TAFA2: variants seen among roughly 807,000 people sequenced by gnomAD.
TAFA2 encodes chemokine-like protein TAFA-2.
In TAFA2, 7 loss-of-function variants were observed where a neutral mutation model predicts 18.8. That is an observed-to-expected ratio of 0.37 (90% CI 0.21 to 0.70). The LOEUF is 0.70. Among genes scored for constraint, TAFA2 ranks in the 30% least tolerant of loss-of-function variants. TAFA2 has a pLI of 0.53. For missense variants in TAFA2, 122 were observed against 158.1 expected (o/e 0.77, Z 1.23); for synonymous variants, 60 against 54.2 (o/e 1.11, Z -0.47).
intron 1 of TAFA2, among the ~76,000 whole-genome samples, chr12:62,065,718 TTG>T (rs1592314764): frequency 6.6e-6 from 1 of 150,394 alleles, no homozygotes; most frequent in African/African-American, 2.4e-5. Flanking sequence ...TGTGTGTGTG[TTG>T]TGTGTGTGTG....
intron 1 of TAFA2, among the ~76,000 whole-genome samples, chr12:62,031,226 C>A (rs1351833746): frequency 6.6e-6 from 1 of 151,892 alleles, no homozygotes; most frequent in Non-Finnish European, 1.5e-5. Context: ...GCAGACCCAT[C>A]CTTAATCTGG....
At chr12:61,784,251 A>T (rs1308278161) in intron 2 of TAFA2, among the ~76,000 whole-genome samples, 1 of 151,564 alleles carries the variant, frequency 6.6e-6, no homozygotes, top group Non-Finnish European at 1.5e-5. Flanking sequence ...ACTGCCTCCC[A>T]CTTTAAATCA....
chr12:62,196,884 T>A (rs2062651080), upstream of TAFA2, among the ~76,000 whole-genome samples: 1 of 152,114 alleles, frequency 6.6e-6, no homozygotes, highest in Non-Finnish European at 1.5e-5. Context: ...ATAATAATAA[T>A]AAATAAAAAC....
At chr12:62,228,371 G>GA (rs1565783808) in intron 1 of TAFA2, among the ~76,000 whole-genome samples, 1 of 152,144 alleles carries the variant, frequency 6.6e-6, no homozygotes, top group Non-Finnish European at 1.5e-5. Flanking sequence ...CTTTTTGGTA[G>GA]AATGACTTAT....
intron 1 of TAFA2, among the ~76,000 whole-genome samples, chr12:62,174,579 C>T (rs1295757912): frequency 6.6e-6 from 1 of 152,090 alleles, no homozygotes; most frequent in African/African-American, 2.4e-5. Context: ...ATAAAATCCA[C>T]TAAAGAATTT....
chr12:61,948,341 C>G (rs979307509), intron 1 of TAFA2, among the ~76,000 whole-genome samples: 2 of 152,074 alleles, frequency 1.3e-5, no homozygotes, highest in East Asian at 3.9e-4. Context: ...CATTTGAGAT[C>G]TGAAGTAAGC....
intron 2 of TAFA2, among the ~76,000 whole-genome samples, chr12:61,759,150 T>C (rs1343164826): frequency 2.0e-5 from 3 of 152,038 alleles, no homozygotes; most frequent in Non-Finnish European, 4.4e-5. Context: ...TCATCTGTTT[T>C]CCATTTCCAT....
chr12:62,171,102 G>T (rs977422706), intron 1 of TAFA2, among the ~76,000 whole-genome samples: 3 of 151,656 alleles, frequency 2.0e-5, no homozygotes, highest in Non-Finnish European at 2.9e-5. Context: ...TAACATTTAA[G>T]GTGTCACAAT....
rs139530203 is a variant in TAFA2, at chr12:62,140,875, A to G, written c.-2+50384T>C. 2.0e-3 allele frequency among the ~76,000 whole-genome samples: 299 copies of G among 152,302 alleles called. 1 individual carries two copies. Among genetic ancestry groups the G allele is most frequent in the African/African-American group, 7.1e-3 (294 of 41,572 alleles). On this transcript the variant is annotated intron_variant, in intron 1 of 4. Coordinates refer to ENST00000416284, the MANE Select transcript of TAFA2 (RefSeq NM_178539.5). ...TTGCATCACATCAAAAAGTTAGCAC[A>G]TGGGGTCAAATTAAAACAGCCTTGA...
intron 1 of TAFA2, among the ~76,000 whole-genome samples, chr12:62,069,150 A>G (rs1882564102): frequency 6.6e-6 from 1 of 152,172 alleles, no homozygotes; most frequent in Non-Finnish European, 1.5e-5. Context: ...TCTGGGCTCC[A>G]CACTGGTCTG....
intron 2 of TAFA2, among the ~76,000 whole-genome samples, chr12:61,797,591 A>G (rs572847792): frequency 5.9e-5 from 9 of 152,214 alleles, no homozygotes; most frequent in Non-Finnish European, 1.3e-4. Flanking sequence ...GGAGTCCTCC[A>G]TGTAGAAACT....
At chr12:62,066,038 G>C (rs1882477143) in intron 1 of TAFA2, among the ~76,000 whole-genome samples, 1 of 151,444 alleles carries the variant, frequency 6.6e-6, no homozygotes, top group Non-Finnish European at 1.5e-5. Context: ...GAAAGAATTA[G>C]TAACTGAGAA....
intron 2 of TAFA2, among the ~76,000 whole-genome samples, chr12:61,767,964 T>C (rs1869860941): frequency 6.6e-6 from 1 of 152,090 alleles, no homozygotes; most frequent in East Asian, 1.9e-4. Context: ...GAAACTCAAA[T>C]TAAAATAGAG....
At chr12:61,777,449 AT>A (rs1316876839) in intron 2 of TAFA2, among the ~76,000 whole-genome samples, 1 of 151,870 alleles carries the variant, frequency 6.6e-6, no homozygotes, top group Non-Finnish European at 1.5e-5. Context: ...GAGTCCAATT[AT>A]CCTATTATCC....
At chr12:61,762,881 C>A (rs543669400) in intron 2 of TAFA2, among the ~76,000 whole-genome samples, 1 of 151,952 alleles carries the variant, frequency 6.6e-6, no homozygotes, top group Non-Finnish European at 1.5e-5. Context: ...CTGACTAGCT[C>A]CCTGGAGAAT....
chr12:61,851,730 G>A (rs1166730647), intron 2 of TAFA2, among the ~76,000 whole-genome samples: 3 of 115,448 alleles, frequency 2.6e-5, no homozygotes, highest in African/African-American at 9.8e-5. Context: ...AACCGAGATT[G>A]TGCCACCGCA....
intron 1 of TAFA2, among the ~76,000 whole-genome samples, chr12:62,071,315 G>A (rs541878387): frequency 2.0e-4 from 30 of 152,262 alleles, no homozygotes; most frequent in African/African-American, 5.3e-4. Flanking sequence ...CACAGGAAGC[G>A]GGGGTGAGAA....
chr12:62,101,247 G>C (rs181555867), intron 1 of TAFA2, among the ~76,000 whole-genome samples: 2 of 152,184 alleles, frequency 1.3e-5, no homozygotes, highest in East Asian at 3.9e-4. Flanking sequence ...AGATCCCTAA[G>C]AGCCAATACA....
intron 2 of TAFA2, among the ~76,000 whole-genome samples, chr12:61,851,960 C>A (rs971138262): frequency 1.3e-5 from 2 of 151,810 alleles, no homozygotes; most frequent in African/African-American, 4.8e-5. Flanking sequence ...GTAATCCCAG[C>A]AATTTGGGAG....
Sources: allele counts gnomAD v4.1 joint callset (sites outside exome capture counted in the v4.1 genomes callset), GRCh38; gene constraint gnomAD v4.1.1; transcripts MANE v1.5; gene names NCBI Gene and HGNC (gene_info 2026-07-23, HGNC 2026-07-21).